Variants in DCDC1 observed in about 807,000 individuals in gnomAD.
DCDC1 encodes the protein doublecortin domain containing 1, also known as doublecortin domain-containing protein 1.
Under a neutral mutation model 178.3 loss-of-function variants are expected in DCDC1, and 200 were observed. The observed-to-expected ratio is 1.12, with a 90% CI of 1.00 to 1.26. The LOEUF (loss-of-function observed/expected upper bound fraction) is 1.26, where lower values mean the gene tolerates loss of function less well. Ranked by LOEUF, DCDC1 falls within the 50% of genes most tolerant of loss-of-function variation. The pLI, the probability that DCDC1 is intolerant of heterozygous loss-of-function variation, is 0.00. For synonymous variants in DCDC1, 690 were observed against 604.8 expected, an observed-to-expected ratio of 1.14 and a Z score of -2.07; for missense variants, 1,983 against 1,749.2, an observed-to-expected ratio of 1.13 and a Z score of -2.38.
intron 10 of DCDC1, 131 bp from the exon 11 acceptor site, chr11:31,127,770 T>C: frequency 1.8e-6 from 1 of 568,594 alleles, no homozygotes; most frequent in Non-Finnish European, 3.1e-6. Flanking sequence ...AGATCTATCC[T>C]CAAGTAAAAA....
chr11:31,085,517 C>T (rs924429423), intron 17 of DCDC1, among the ~76,000 whole-genome samples: 3 of 152,020 alleles, frequency 2.0e-5, no homozygotes, highest in Admixed American at 1.3e-4. Context: ...TTATTTTCTA[C>T]TTTCCTTCAG....
intron 6 of DCDC1, among the ~76,000 whole-genome samples, chr11:31,295,806 C>T (rs544005507): frequency 1.3e-5 from 2 of 152,204 alleles, no homozygotes; most frequent in African/African-American, 4.8e-5. Flanking sequence ...TGACCTGAGA[C>T]GCGGTAAAGG....
At chr11:31,031,697 A>G (rs1213093944) in intron 20 of DCDC1, among the ~76,000 whole-genome samples, 1 of 152,122 alleles carries the variant, frequency 6.6e-6, no homozygotes, top group Non-Finnish European at 1.5e-5. Flanking sequence ...AGCCAGCAAT[A>G]TTGTGAAAAT....
At chr11:31,226,579 A>C (rs778021608) in intron 9 of DCDC1, among the ~76,000 whole-genome samples, 2 of 151,928 alleles carry the variant, frequency 1.3e-5, no homozygotes, top group Admixed American at 6.6e-5. Context: ...TAAGAATACT[A>C]TCCAATGTTA....
chr11:30,997,811 ATGTGTG>A lies in DCDC1; in HGVS notation c.2592-45249_2592-45244del, dbSNP rs150426755. ...TTTATTTTACCATACCATAGTGTGT[ATGTGTG>A]TGTGTGTGTGTGTGTGTACACACAC... On this transcript the variant is annotated intron_variant, in intron 20 of 38. Coordinates refer to ENST00000684477, the MANE Select transcript of DCDC1 (RefSeq NM_001387274.1). Among the ~76,000 whole-genome samples, 930 of 149,044 alleles carry A rather than the reference ATGTGTG, an allele frequency of 6.2e-3. 8 individuals are homozygous for A. The highest frequency in any genetic ancestry group is 0.019 in the African/African-American group (793 of 41,018).
chr11:31,289,049 A>G (rs1037848789), intron 7 of DCDC1, among the ~76,000 whole-genome samples: 4 of 152,116 alleles, frequency 2.6e-5, no homozygotes, highest in South Asian at 2.1e-4. Flanking sequence ...ACAAATCATA[A>G]AAGAAAAAAG....
In DCDC1 at chr11:31,328,193, G is replaced by C; in HGVS notation, c.88C>G (p.Gln30Glu). The C allele has an allele frequency of 6.2e-7, 1 of 1,612,384 alleles. No individual in the cohort carries two copies. The highest frequency in any genetic ancestry group is 2.2e-5 in the East Asian group (1 of 44,814). ...TCCAAAGTGCCTTCAGGGCTACTTT[G>C]CTGTAATACTTCCATTGCTTCAGTC... ...LLTEAMEVLQ[Q>E]SSPEGTLDGN... Residue 30 changes from glutamine (Q) to glutamate (E), a missense_variant, in exon 3 of 39, where the codon CAA (glutamine) becomes GAA (glutamate). Transcript: ENST00000684477.
intron 20 of DCDC1, among the ~76,000 whole-genome samples, chr11:30,981,174 C>T (rs1488188627): frequency 6.6e-6 from 1 of 152,006 alleles, no homozygotes; most frequent in Non-Finnish European, 1.5e-5. Context: ...AGAATAGACA[C>T]TGGGGACTCC....
At chr11:31,313,344 C>A (rs1948877065) in intron 3 of DCDC1, among the ~76,000 whole-genome samples, 1 of 152,090 alleles carries the variant, frequency 6.6e-6, no homozygotes, top group African/African-American at 2.4e-5. Flanking sequence ...ATGCACAAAC[C>A]TTAAAACACA....
At chr11:30,915,399 A>T in intron 27 of DCDC1, 112 bp downstream of exon 27, 1 of 1,145,392 alleles carries the variant, frequency 8.7e-7, no homozygotes, top group Non-Finnish European at 1.2e-6. Flanking sequence ...TAAGTTAAAT[A>T]GAAGACCCAG....
rs539535435 is a variant in DCDC1, at chr11:30,906,648, C to T, written c.3996G>A (p.Glu1332=). The change falls in exon 30 of 39, where the codon GAG becomes GAA. Residue 1332 remains glutamate (E), a synonymous_variant. Coordinates refer to ENST00000684477, the MANE Select transcript of DCDC1 (RefSeq NM_001387274.1). The part of the protein sequence containing the change: ...CLACGQSMRT[E]KGLKQLLPGV... ...CTGGAAGCAATTGTTTCAGTCCTTTCTCTGTTCTCATGGATTGTCCACAAG... is the reference window on the plus strand; with the variant it reads ...CTGGAAGCAATTGTTTCAGTCCTTTTTCTGTTCTCATGGATTGTCCACAAG... 2 of 1,613,670 alleles carry T rather than the reference C, an allele frequency of 1.2e-6. No homozygotes were observed. The highest frequency in any genetic ancestry group is 2.2e-5 in the East Asian group (1 of 44,828).
intron 18 of DCDC1, among the ~76,000 whole-genome samples, chr11:31,067,401 C>T (rs1022098320): frequency 2.0e-5 from 3 of 151,916 alleles, no homozygotes; most frequent in Non-Finnish European, 4.4e-5. Flanking sequence ...TTTTTACCCA[C>T]TAGGATGACA....
chr11:31,280,683 C>A, intron 7 of DCDC1: 1 of 532,188 alleles, frequency 1.9e-6, no homozygotes, highest in Non-Finnish European at 3.5e-6. Context: ...CATTTAGTAG[C>A]TTTTTTAAGA....
At chr11:31,344,112 A>G (rs75679639) in intron 1 of DCDC1, among the ~76,000 whole-genome samples, 324 of 152,300 alleles carry the variant, frequency 2.1e-3, no homozygotes, top group African/African-American at 7.3e-3. Flanking sequence ...TGCAAAATAC[A>G]AGACTGTAAC....
intron 9 of DCDC1, among the ~76,000 whole-genome samples, chr11:31,168,789 A>AGTGT (rs34053385): frequency 1.3e-5 from 2 of 151,702 alleles, no homozygotes; most frequent in African/African-American, 4.8e-5. Context: ...AGTAAATGTG[A>AGTGT]GTGTGTGTGT....
At chr11:30,935,318 T>G (rs10835727) in intron 21 of DCDC1, among the ~76,000 whole-genome samples, 71,821 of 151,998 alleles carry the variant, frequency 0.47, 18,371 homozygotes, top group Middle Eastern at 0.59. Context: ...GGCAAAGATA[T>G]TTATCTGCCT....
intron 26 of DCDC1, 92 bp from the exon 27 acceptor site, chr11:30,915,803 G>T: frequency 7.4e-7 from 1 of 1,343,240 alleles, no homozygotes; most frequent in Non-Finnish European, 1.0e-6. Context: ...TTCTGTTGGT[G>T]AGAGCTCCAA....
At chr11:31,350,389 A>G (rs1324262372) in intron 1 of DCDC1, among the ~76,000 whole-genome samples, 1 of 152,162 alleles carries the variant, frequency 6.6e-6, no homozygotes, top group African/African-American at 2.4e-5. Context: ...TTTAATTAAA[A>G]GAAGAAATTC....
chr11:31,110,229 A>G, intron 12 of DCDC1, 31 bp downstream of exon 12: 1 of 686,630 alleles, frequency 1.5e-6, no homozygotes, highest in Non-Finnish European at 2.7e-6. Flanking sequence ...CAAGACACTT[A>G]AAGTCATAAG....
Sources: allele counts gnomAD v4.1 joint callset (sites outside exome capture counted in the v4.1 genomes callset), GRCh38; gene constraint gnomAD v4.1.1; transcripts MANE v1.5; gene names NCBI Gene and HGNC (gene_info 2026-07-23, HGNC 2026-07-21).